The following DRC4 variants were observed in gnomAD, a reference collection of about 807,000 sequenced individuals.
DRC4 encodes the protein GAS-11.
chr16:90,040,233 G>A, the DRC4 span: 16 of 1,455,542 alleles, frequency 1.1e-5, no homozygotes, highest in Non-Finnish European at 1.4e-5. Context: ...GTGGGAGGCA[G>A]CATCTTCCCA....
chr16:90,033,069 A>T, the DRC4 span: 33 of 842,790 alleles, frequency 3.9e-5, 1 homozygote, highest in Non-Finnish European at 2.4e-5. Flanking sequence ...GTTGAAAAAA[A>T]ATTTTTTAAA....
chr16:90,024,672 A>T, the DRC4 span, among the ~76,000 whole-genome samples: 1 of 151,932 alleles, frequency 6.6e-6, no homozygotes. Context: ...TTTCAGGGGG[A>T]GTTGGGTTTT....
the DRC4 span, among the ~76,000 whole-genome samples, chr16:90,021,874 A>AAAAAAAAAAAAAAAAAAAAAAAAG: frequency 7.9e-6 from 1 of 127,240 alleles, no homozygotes. Context: ...AAAAAAAAAA[A>AAAAAAAAAAAAAAAAAAAAAAAAG]AAGCACCTGT....
chr16:90,042,680 A>G, the DRC4 span: 12 of 681,774 alleles, frequency 1.8e-5, no homozygotes, highest in Non-Finnish European at 2.9e-5. Flanking sequence ...GTGAGGGTGC[A>G]GTCATAGCCG....
the DRC4 span, among the ~76,000 whole-genome samples, chr16:90,034,626 AAAAG>A: frequency 5.9e-5 from 9 of 152,292 alleles, no homozygotes; most frequent in South Asian, 2.1e-4. Flanking sequence ...TGTCTCAAAA[AAAAG>A]AAAAATTACT....
At chr16:90,036,414 T>C in the DRC4 span, 3 of 1,611,194 alleles carry the variant, frequency 1.9e-6, no homozygotes, top group Non-Finnish European at 2.5e-6. Context: ...AAGATGAAGA[T>C]GCTGAGGGAC....
chr16:90,029,209 G>C, the DRC4 span: 8 of 1,354,600 alleles, frequency 5.9e-6, no homozygotes, highest in African/African-American at 6.5e-5. Flanking sequence ...TACGGGGCAG[G>C]CTACGGGGCA....
the DRC4 span, chr16:90,036,282 A>G: frequency 9.5e-7 from 1 of 1,052,690 alleles, no homozygotes; most frequent in Non-Finnish European, 1.4e-6. Flanking sequence ...TGTTCTGACC[A>G]CAGTGGGCGT....
At chr16:90,042,604 T>A in the DRC4 span, 1 of 1,356,190 alleles carries the variant, frequency 7.4e-7, no homozygotes, top group African/African-American at 1.4e-5. Flanking sequence ...ATGCAGACGG[T>A]CTCTGAGGAC....
chr16:90,036,351 G>A, the DRC4 span: 2 of 1,572,348 alleles, frequency 1.3e-6, no homozygotes, highest in Non-Finnish European at 8.7e-7. Flanking sequence ...GTCTTCCTCT[G>A]CTAAGCTGCT....
At chr16:90,037,800 G>A in the DRC4 span, 4 of 1,614,188 alleles carry the variant, frequency 2.5e-6, no homozygotes, top group Non-Finnish European at 3.4e-6. Context: ...AGAAAGAGCT[G>A]AAAGACCTGC....
At chr16:90,037,119 AG>A in the DRC4 span, 4 of 1,070,846 alleles carry the variant, frequency 3.7e-6, no homozygotes, top group Non-Finnish European at 5.3e-6. Flanking sequence ...AGCATGCCTG[AG>A]GCTGGCAGCA....
the DRC4 span, chr16:90,022,711 C>A: frequency 1.4e-6 from 2 of 1,420,768 alleles, no homozygotes; most frequent in South Asian, 2.7e-5. Context: ...CTGGGCCTGT[C>A]CGCTGGCGTC....
chr16:90,025,179 G>A, the DRC4 span, among the ~76,000 whole-genome samples: 1 of 150,886 alleles, frequency 6.6e-6, no homozygotes, highest in Non-Finnish European at 1.5e-5. Context: ...ACCACGCCTG[G>A]CTAATTTTTT....
At chr16:90,019,761 T>A in the DRC4 span, 1 of 680,698 alleles carries the variant, frequency 1.5e-6, no homozygotes, top group African/African-American at 1.8e-5. The surrounding 1 kb of genome is among the most constrained non-coding windows in gnomAD (Gnocchi z 6.1). Flanking sequence ...CCTCTTGTTC[T>A]CTTCCAGGTA....
At chr16:90,036,740 GA>G in the DRC4 span, 1 of 757,004 alleles carries the variant, frequency 1.3e-6, no homozygotes. Context: ...ATCCTTAACT[GA>G]AATTCCTAAA....
the DRC4 span, among the ~76,000 whole-genome samples, chr16:90,023,981 T>TAAAAAAAAAA: frequency 1.5e-5 from 2 of 129,286 alleles, no homozygotes; most frequent in Non-Finnish European, 3.3e-5. Context: ...ACACGTCTCT[T>TAAAAAAAAAA]AAAAAAAAAA....
the DRC4 span, chr16:90,029,151 T>G: frequency 2.5e-3 from 3,337 of 1,351,730 alleles, 7 homozygotes; most frequent in Non-Finnish European, 3.0e-3. Flanking sequence ...CGGGGCAGCC[T>G]ACGGGGCAGG....
chr16:90,028,857 A>G, the DRC4 span: 3 of 971,194 alleles, frequency 3.1e-6, no homozygotes, highest in Non-Finnish European at 4.1e-6. Flanking sequence ...TACGAAGGAG[A>G]CTGAAAGAGT....
Sources: allele counts gnomAD v4.1 joint callset (sites outside exome capture counted in the v4.1 genomes callset), GRCh38; gene constraint gnomAD v4.1.1; non-coding constraint Gnocchi (gnomAD v3.1); transcripts MANE v1.5; gene names NCBI Gene and HGNC (gene_info 2026-07-23, HGNC 2026-07-21).